Variants in MLPH observed in about 807,000 individuals in gnomAD.
MLPH encodes the protein melanophilin, also known as exophilin-3.
In MLPH, 51 loss-of-function variants were observed where a neutral mutation model predicts 72.1. The ratio of observed to expected loss-of-function variants is 0.71; its 90% CI spans 0.56 to 0.89. The LOEUF (loss-of-function observed/expected upper bound fraction) is 0.89, where lower values mean the gene tolerates loss of function less well. MLPH is among the 40% of genes least tolerant of loss of function. The pLI, the probability that MLPH is intolerant of heterozygous loss-of-function variation, is 0.00. For missense variants in MLPH, 743 were observed against 759.9 expected, an observed-to-expected ratio of 0.98 and a Z score of 0.26; for synonymous variants, 301 against 310.1, an observed-to-expected ratio of 0.97 and a Z score of 0.31.
At chr2:237,509,741 T>C (rs776972841) in intron 2 of MLPH, among the ~76,000 whole-genome samples, 1 of 152,108 alleles carries the variant, frequency 6.6e-6, no homozygotes, top group Non-Finnish European at 1.5e-5. Context: ...CCAATTGCAC[T>C]TGAAACCGGA....
chr2:237,527,599 A>G, intron 8 of MLPH, 83 bp downstream of exon 8: 1 of 1,556,366 alleles, frequency 6.4e-7, no homozygotes, highest in Non-Finnish European at 8.8e-7. Flanking sequence ...CTTTAGAGAA[A>G]TTACAGCTTT....
chr2:237,532,595 T>C (rs1382031850), intron 8 of MLPH, among the ~76,000 whole-genome samples: 3 of 152,242 alleles, frequency 2.0e-5, no homozygotes, highest in Non-Finnish European at 4.4e-5. Context: ...AGCTAGTGTC[T>C]GTATTGCATT....
At chr2:237,527,868 G>A (rs998452443) in intron 8 of MLPH, among the ~76,000 whole-genome samples, 1 of 152,120 alleles carries the variant, frequency 6.6e-6, no homozygotes, top group Non-Finnish European at 1.5e-5. Context: ...ATCAAAAGGT[G>A]GAAGTAACCC....
chr2:237,542,177 G>T (rs2080703612), intron 11 of MLPH, among the ~76,000 whole-genome samples: 1 of 152,094 alleles, frequency 6.6e-6, no homozygotes, highest in African/African-American at 2.4e-5. Context: ...GACGGGAGGG[G>T]TGGAATGGGG....
intron 15 of MLPH, 52 bp downstream of exon 15, chr2:237,552,489 A>G (rs1270574146): frequency 6.9e-7 from 1 of 1,442,200 alleles, no homozygotes; most frequent in Admixed American, 1.7e-5. Flanking sequence ...GTGACCCGTC[A>G]GATTTATGTA....
rs71887544 is a variant in MLPH, at chr2:237,510,900, C to CGTGTGTGT, written c.333-71_333-64dup. The CGTGTGTGT allele has an allele frequency of 5.0e-4, 666 of 1,319,452 alleles. No homozygotes were observed. Among genetic ancestry groups the CGTGTGTGT allele is most frequent in the African/African-American group, 3.1e-3 (207 of 66,644 alleles). The allele number at this position is 1,319,452 out of a possible 1,614,324, so 81.7% of individuals were successfully genotyped here. ...GGGTGGACGCACACATGCACACACTCGTGTGTGTGTGTGTGTGTGTGTGTG... is the reference window on the plus strand; with the variant it reads ...GGGTGGACGCACACATGCACACACTCGTGTGTGTGTGTGTGTGTGTGTGTGTGTGTGTG... On this transcript the variant is annotated intron_variant, in intron 3 of 15. Coordinates refer to ENST00000264605, the MANE Select transcript of MLPH (RefSeq NM_024101.7). This position sits in a 1 kb window ranked among gnomAD's most constrained non-coding sequence, Gnocchi z 4.4.
At chr2:237,498,573 C>G (rs926820433) in intron 2 of MLPH, among the ~76,000 whole-genome samples, 1 of 152,238 alleles carries the variant, frequency 6.6e-6, no homozygotes, top group African/African-American at 2.4e-5. Flanking sequence ...CCCCTCCCTC[C>G]AAGCTGTGCT....
At chr2:237,538,612 G>C (rs977221140) in intron 9 of MLPH, among the ~76,000 whole-genome samples, 14 of 152,234 alleles carry the variant, frequency 9.2e-5, no homozygotes, top group Non-Finnish European at 1.6e-4. Context: ...GAGAAAGCCT[G>C]TCTGCCTGGT....
In MLPH at chr2:237,527,418, T is replaced by C; in HGVS notation, c.922T>C (p.Leu308=). ...GAATGAGCAGCTGCCCCTGCAGTAC[T>C]TGGCCGATGTGGACACCTCTGATGA... ...IRNEQLPLQY[L]ADVDTSDEES... Residue 308 remains leucine, a synonymous_variant, in exon 8 of 16, where the codon TTG becomes CTG. Transcript: ENST00000264605. 6.2e-7 allele frequency: 1 copy of C among 1,614,250 alleles called. No individual in the cohort carries two copies. Among genetic ancestry groups the C allele is most frequent in the Non-Finnish European group, 8.5e-7 (1 of 1,180,050 alleles).
chr2:237,511,250 A>T, intron 4 of MLPH, 149 bp downstream of exon 4: 1 of 638,168 alleles, frequency 1.6e-6, no homozygotes, highest in Non-Finnish European at 2.8e-6. Flanking sequence ...CTCTCTGTGA[A>T]TTCCTGCTTC....
rs571025709 is a variant in MLPH, at chr2:237,497,537, A to C, written c.110+4001A>C. On this transcript the variant is annotated intron_variant, in intron 2 of 15. Coordinates refer to ENST00000264605, the MANE Select transcript of MLPH (RefSeq NM_024101.7). ...GACTTGAGCACCGCAAGGTCAAAAC[A>C]CGCCTCGCAGTGTGCTCTGCTCAAA... 1.5e-4 allele frequency among the ~76,000 whole-genome samples: 23 copies of C among 152,332 alleles called. No individual in the cohort carries two copies. In the South Asian group the frequency reaches 4.1e-3, roughly 27 times the overall value.
intron 4 of MLPH, among the ~76,000 whole-genome samples, chr2:237,516,402 G>A (rs550933000): frequency 6.6e-6 from 1 of 152,172 alleles, no homozygotes; most frequent in Non-Finnish European, 1.5e-5. Context: ...AGAAAGGAGA[G>A]GGGGCATGAG....
intron 8 of MLPH, 119 bp downstream of exon 8, chr2:237,527,635 A>C: frequency 7.7e-7 from 1 of 1,300,026 alleles, no homozygotes; most frequent in Non-Finnish European, 1.1e-6. Flanking sequence ...ATGAAATTGC[A>C]CAAGCCTACT....
chr2:237,492,683 C>T (rs527814635), intron 1 of MLPH, among the ~76,000 whole-genome samples: 40 of 152,272 alleles, frequency 2.6e-4, no homozygotes, highest in African/African-American at 9.4e-4. Flanking sequence ...ACTTTTGCCT[C>T]CCCAGGGAAA....
chr2:237,497,353 A>G (rs73098880), intron 2 of MLPH, among the ~76,000 whole-genome samples: 2,789 of 152,236 alleles, frequency 0.018, 47 homozygotes, highest in African/African-American at 0.047. Flanking sequence ...TGAGTTTCTT[A>G]TTGTTTCATT....
At position 237,553,795 on chromosome 2, in the gene MLPH, C is replaced by T; in HGVS notation, c.*203C>T. On this transcript the variant is annotated 3_prime_UTR_variant, in exon 16 of 16. Coordinates refer to ENST00000264605, the MANE Select transcript of MLPH (RefSeq NM_024101.7). ...ACTGCTCACCTGGGTTTACTGATGA[C>T]TCCTGGCTGCCCCACCATCCTCTCT... The T allele has an allele frequency of 9.2e-6, 7 of 761,086 alleles. No homozygotes were observed. Among genetic ancestry groups the T allele is most frequent in the Non-Finnish European group, 1.7e-5 (7 of 419,804 alleles). 47.1% of individuals were successfully genotyped at this position (761,086 alleles called of 1,614,324 possible).
intron 12 of MLPH, among the ~76,000 whole-genome samples, chr2:237,543,409 G>GA (rs2080777626): frequency 5.0e-5 from 1 of 19,992 alleles, no homozygotes; most frequent in Non-Finnish European, 7.5e-5. Context: ...GTGAGTGGGG[G>GA]ACAGTAGTGA....
Position 237,512,544 on chromosome 2 carries a change from TG to T in MLPH, c.445+1447del, listed in dbSNP as rs1235821464. Among the ~76,000 whole-genome samples, 3 of 151,960 alleles carry T rather than the reference TG, an allele frequency of 2.0e-5. No individual in the cohort carries two copies. Among genetic ancestry groups the T allele is most frequent in the Non-Finnish European group, 4.4e-5 (3 of 67,980 alleles). ...ATGTGACTAGGAACGGCCGGTGACA[TG>T]GGGAGGGCCTATCACCCTATTCTTG... is the stretch of plus-strand genomic sequence containing the variant. On this transcript the variant is annotated intron_variant, in intron 4 of 15. Coordinates refer to ENST00000264605, the MANE Select transcript of MLPH (RefSeq NM_024101.7). The surrounding 1 kb of genome is among the most constrained non-coding windows in gnomAD (Gnocchi z 5.5).
chr2:237,553,967 G>GA lies in MLPH; in HGVS notation c.*381dup. The GA allele has an allele frequency of 2.6e-6, 1 of 388,180 alleles. No homozygotes were observed. The highest frequency in any genetic ancestry group is 5.0e-6 in the Non-Finnish European group (1 of 201,946). 24.0% of individuals were successfully genotyped at this position (388,180 alleles called of 1,614,324 possible). On this transcript the variant is annotated 3_prime_UTR_variant, in exon 16 of 16. Coordinates refer to ENST00000264605, the MANE Select transcript of MLPH (RefSeq NM_024101.7). ...TTATGTTGCTTTCATGAATGGAATG[G>GA]AAAAAAGATGACTCAGTTAAGGCAC...
Sources: gnomAD v4.1 joint callset for allele counts (sites outside exome capture counted in the v4.1 genomes callset) on GRCh38, gnomAD v4.1.1 for gene constraint, Gnocchi (gnomAD v3.1) non-coding constraint, MANE v1.5 for transcripts, NCBI Gene and HGNC (gene_info 2026-07-23, HGNC 2026-07-21) for gene names.